The following RBPMS variants were observed in gnomAD, a reference collection of about 807,000 sequenced individuals.
RBPMS encodes RNA binding protein, mRNA processing factor.
Under a neutral mutation model 26.8 loss-of-function variants are expected in RBPMS, and 7 were observed. The observed-to-expected ratio is 0.26, with a 90% CI of 0.15 to 0.49. The LOEUF (loss-of-function observed/expected upper bound fraction) is 0.49. Ranked by LOEUF, RBPMS falls within the 20% of genes least tolerant of loss-of-function variation. The pLI is 0.98. For missense variants in RBPMS, 186 were observed against 250.0 expected (o/e 0.74, Z 1.73); for synonymous variants, 96 against 93.3 (o/e 1.03, Z -0.17).
At chr8:30,556,559 C>G in intron 6 of RBPMS, 2 of 986,802 alleles carry the variant, frequency 2.0e-6, no homozygotes, top group Non-Finnish European at 2.4e-6. Flanking sequence ...CTCGTCGGGG[C>G]TCAGCGCCCC....
chr8:30,450,106 T>G (rs780888938), intron 1 of RBPMS, among the ~76,000 whole-genome samples: 8 of 152,226 alleles, frequency 5.3e-5, no homozygotes, highest in Admixed American at 5.2e-4. Flanking sequence ...ATGGTTTCCT[T>G]TTCCCAAATA....
chr8:30,385,064 G>T lies in RBPMS; in HGVS notation c.-29G>T. 2.7e-6 allele frequency: 4 copies of T among 1,495,370 alleles called. No homozygotes were observed. Among genetic ancestry groups the T allele is most frequent in the Non-Finnish European group, 3.6e-6 (4 of 1,120,536 alleles). The allele number at this position is 1,495,370 out of a possible 1,614,324, so 92.6% of individuals were successfully genotyped here. ...TCGCCCAGCCCCGCGCCCCAGCCCTGCCCGGCCCGGCGAGGAAGGACCGGG... is the reference window on the plus strand; with the variant it reads ...TCGCCCAGCCCCGCGCCCCAGCCCTTCCCGGCCCGGCGAGGAAGGACCGGG... On this transcript the variant is annotated 5_prime_UTR_variant, in exon 1 of 9. Coordinates refer to ENST00000397323, the MANE Select transcript of RBPMS (RefSeq NM_001008710.3).
At chr8:30,542,214 G>C (rs1156845879) in intron 5 of RBPMS, among the ~76,000 whole-genome samples, 1 of 152,134 alleles carries the variant, frequency 6.6e-6, no homozygotes, top group Non-Finnish European at 1.5e-5. Context: ...TGCTGGGCTG[G>C]GTTTTGTGCA....
At chr8:30,466,132 C>T (rs1816467208) in intron 1 of RBPMS, among the ~76,000 whole-genome samples, 1 of 152,154 alleles carries the variant, frequency 6.6e-6, no homozygotes. Context: ...CAGATTGTGT[C>T]AGCCAATAAC....
At chr8:30,415,755 C>T (rs1203378075) in intron 1 of RBPMS, among the ~76,000 whole-genome samples, 3 of 152,148 alleles carry the variant, frequency 2.0e-5, no homozygotes, top group Admixed American at 6.5e-5. Context: ...TGTGTACACA[C>T]TCTGCCTTGT....
chr8:30,570,064 G>C lies in RBPMS; in HGVS notation c.*112-573G>C, dbSNP rs184426562. Among the ~76,000 whole-genome samples, 316 of 152,302 alleles carry C rather than the reference G, an allele frequency of 2.1e-3. 2 individuals carry two copies. The highest frequency in any genetic ancestry group is 3.1e-3 in the Non-Finnish European group (213 of 68,032). ...TCACAGGTCAGATACAAATTGGACA[G>C]ATTTGGTGTGAACATTTACAAGCTC... On this transcript the variant is annotated intron_variant, in intron 8 of 8. Transcript: ENST00000397323.
intron 5 of RBPMS, among the ~76,000 whole-genome samples, chr8:30,539,857 C>G (rs1331981657): frequency 6.6e-6 from 1 of 152,110 alleles, no homozygotes; most frequent in Non-Finnish European, 1.5e-5. Flanking sequence ...AACTCCAGAC[C>G]TCAAGTGATC....
intron 2 of RBPMS, among the ~76,000 whole-genome samples, chr8:30,477,537 G>T (rs543318191): frequency 6.6e-6 from 1 of 151,804 alleles, no homozygotes; most frequent in East Asian, 1.9e-4. Context: ...TTCTACCATT[G>T]TGTAATTTCA....
At chr8:30,449,434 G>A (rs1457032766) in intron 1 of RBPMS, among the ~76,000 whole-genome samples, 1 of 141,650 alleles carries the variant, frequency 7.1e-6, no homozygotes. Context: ...GCAATGGCAC[G>A]ATTTCAGCTC....
chr8:30,490,239 GA>G (rs553030360), intron 4 of RBPMS, among the ~76,000 whole-genome samples: 60 of 152,234 alleles, frequency 3.9e-4, no homozygotes, highest in Middle Eastern at 3.4e-3. Flanking sequence ...GCTCATCAGG[GA>G]AACACAGTTG....
chr8:30,420,943 G>C (rs562844820), intron 1 of RBPMS, among the ~76,000 whole-genome samples: 1 of 152,092 alleles, frequency 6.6e-6, no homozygotes, highest in African/African-American at 2.4e-5. Context: ...CAATTGACAG[G>C]CTAGTTAGTA....
At chr8:30,453,467 A>G (rs12679764) in intron 1 of RBPMS, among the ~76,000 whole-genome samples, 4,407 of 152,336 alleles carry the variant, frequency 0.029, 101 homozygotes, top group South Asian at 0.086. Flanking sequence ...AAAAGAAACA[A>G]AACAGCTTTT....
chr8:30,417,257 T>A (rs1475080039), intron 1 of RBPMS, among the ~76,000 whole-genome samples: 1 of 152,246 alleles, frequency 6.6e-6, no homozygotes, highest in Non-Finnish European at 1.5e-5. Context: ...TATATCACGA[T>A]GACTGGATAT....
intron 5 of RBPMS, among the ~76,000 whole-genome samples, chr8:30,511,588 GATATATATATTTGTGT>G (rs1821716479): frequency 7.2e-6 from 1 of 139,746 alleles, no homozygotes; most frequent in Non-Finnish European, 1.5e-5. Flanking sequence ...TATGTGTATA[GATATATATATTTGTGT>G]ATATATATAT....
At chr8:30,512,760 C>T (rs1821855124) in intron 5 of RBPMS, among the ~76,000 whole-genome samples, 1 of 152,186 alleles carries the variant, frequency 6.6e-6, no homozygotes. Flanking sequence ...TATACTTAAA[C>T]AAATTCTCAC....
At chr8:30,433,108 C>T (rs549092994) in intron 1 of RBPMS, among the ~76,000 whole-genome samples, 3 of 152,182 alleles carry the variant, frequency 2.0e-5, no homozygotes, top group Non-Finnish European at 4.4e-5. Context: ...CTCACTCCCC[C>T]CAAACTTGAC....
intron 5 of RBPMS, among the ~76,000 whole-genome samples, chr8:30,517,025 C>T (rs917235083): frequency 6.6e-6 from 1 of 151,628 alleles, no homozygotes; most frequent in African/African-American, 2.4e-5. Context: ...TGTTACCCAC[C>T]CAGAGATAAG....
At chr8:30,438,852 T>G (rs1171202043) in intron 1 of RBPMS, among the ~76,000 whole-genome samples, 1 of 152,244 alleles carries the variant, frequency 6.6e-6, no homozygotes, top group Non-Finnish European at 1.5e-5. Context: ...CAGCTCACTG[T>G]AGCCTCCACC....
intron 1 of RBPMS, among the ~76,000 whole-genome samples, chr8:30,410,063 A>G (rs574891998): frequency 7.9e-5 from 12 of 152,100 alleles, no homozygotes; most frequent in Non-Finnish European, 1.5e-4. Context: ...GTTGGAATAA[A>G]TCAGTGAACC....
Sources: allele counts gnomAD v4.1 joint callset (sites outside exome capture counted in the v4.1 genomes callset), GRCh38; gene constraint gnomAD v4.1.1; transcripts MANE v1.5; gene names NCBI Gene and HGNC (gene_info 2026-07-23, HGNC 2026-07-21).